TCF4: variants seen among roughly 807,000 people sequenced by gnomAD.
The protein encoded by TCF4 is SL3-3 enhancer factor 2.
A neutral mutation model predicts 82.1 loss-of-function variants in TCF4; 3 were observed. The ratio of observed to expected loss-of-function variants is 0.04; its 90% CI spans 0.02 to 0.09. The LOEUF is 0.09. Among genes scored for constraint, TCF4 ranks in the 10% least tolerant of loss-of-function variants. TCF4 has a pLI of 1.00. For missense variants in TCF4, 518 were observed against 852.7 expected (o/e 0.61, Z 4.89); for synonymous variants, 276 against 309.6 (o/e 0.89, Z 1.14).
chr18:55,354,970 G>A (rs1569156996), intron 6 of TCF4, among the ~76,000 whole-genome samples: 1 of 152,154 alleles, frequency 6.6e-6, no homozygotes, highest in Non-Finnish European at 1.5e-5. Context: ...TTGCAGAACA[G>A]AGAAAAGCAG....
intron 8 of TCF4, among the ~76,000 whole-genome samples, chr18:55,310,873 G>A (rs1038259356): frequency 6.6e-6 from 1 of 152,164 alleles, no homozygotes; most frequent in Non-Finnish European, 1.5e-5. Context: ...CATTTAGGAT[G>A]ATTCAAGACA....
chr18:55,442,591 A>T (rs1438121317), intron 5 of TCF4, among the ~76,000 whole-genome samples: 1 of 152,236 alleles, frequency 6.6e-6, no homozygotes, highest in Non-Finnish European at 1.5e-5. Flanking sequence ...AATGCAAAAA[A>T]TAACACATAG....
At chr18:55,570,522 A>G (rs2097453666) in intron 3 of TCF4, among the ~76,000 whole-genome samples, 1 of 152,186 alleles carries the variant, frequency 6.6e-6, no homozygotes, top group East Asian at 1.9e-4. Context: ...CACAGAGTGG[A>G]CATGAATGAT....
rs545692259 is a variant in TCF4 at position 55,425,354 on chromosome 18, T to C, written c.305-21836A>G. On this transcript the variant is annotated intron_variant, in intron 5 of 19. Transcript: ENST00000354452. The stretch of plus-strand genomic sequence containing the variant: ...GATGATGCACTTGTTTTTGGCTTTT[T>C]TTTTTTCTTTTGAGGATTCAGTATG... Among the ~76,000 whole-genome samples the C allele has an allele frequency of 2.0e-4, 31 of 151,958 alleles. No homozygotes were observed. In the South Asian group the frequency reaches 4.2e-3, roughly 20 times the overall value.
At chr18:55,264,782 T>C (rs542010133) in intron 11 of TCF4, 63 of 152,278 alleles carry the variant, frequency 4.1e-4, no homozygotes, top group African/African-American at 1.4e-3. Context: ...GTAAAGACTT[T>C]ATCGATTTCT....
chr18:55,541,780 C>T (rs1241692496), intron 3 of TCF4, among the ~76,000 whole-genome samples: 1 of 151,980 alleles, frequency 6.6e-6, no homozygotes, highest in African/African-American at 2.4e-5. Flanking sequence ...TGAAGCCACA[C>T]TCATCCCTTC....
intron 5 of TCF4, among the ~76,000 whole-genome samples, chr18:55,406,868 G>A (rs1346904592): frequency 5.3e-5 from 8 of 152,162 alleles, no homozygotes; most frequent in African/African-American, 1.9e-4. Flanking sequence ...ACAACCCTCC[G>A]GTACTAGAAT....
At chr18:55,471,237 A>T (rs2096171379) in intron 3 of TCF4, among the ~76,000 whole-genome samples, 1 of 152,194 alleles carries the variant, frequency 6.6e-6, no homozygotes. Context: ...ATATTGACAG[A>T]TGATGTCCAC....
At chr18:55,304,365 T>C (rs1367621150) in intron 8 of TCF4, among the ~76,000 whole-genome samples, 1 of 152,106 alleles carries the variant, frequency 6.6e-6, no homozygotes, top group Middle Eastern at 3.2e-3. Context: ...AAATAGACAT[T>C]GGAAAAACAG....
chr18:55,275,512 A>T (rs2061341297), intron 10 of TCF4, 107 bp downstream of exon 10: 1 of 1,477,826 alleles, frequency 6.8e-7, no homozygotes, highest in Non-Finnish European at 9.4e-7. Flanking sequence ...GGTGTGTGCC[A>T]TTTTTGCACT....
chr18:55,230,398 C>G (rs2047590825), intron 17 of TCF4: 2 of 152,170 alleles, frequency 1.3e-5, no homozygotes, highest in African/African-American at 4.8e-5. Context: ...ATTCCAAGGG[C>G]TGTCATGTAA....
chr18:55,499,153 A>G (rs552831740), intron 3 of TCF4, among the ~76,000 whole-genome samples: 7 of 152,174 alleles, frequency 4.6e-5, no homozygotes, highest in East Asian at 1.9e-4. Context: ...TTTACTCAGA[A>G]TTTTTCTTGG....
chr18:55,388,817 C>G (rs1231871685), intron 6 of TCF4, among the ~76,000 whole-genome samples: 10 of 152,152 alleles, frequency 6.6e-5, no homozygotes, highest in Admixed American at 6.5e-4. Flanking sequence ...ATCAATAAAA[C>G]TGGATTAAAA....
intron 8 of TCF4, among the ~76,000 whole-genome samples, chr18:55,288,247 G>A (rs1256318812): frequency 2.6e-5 from 4 of 152,004 alleles, no homozygotes; most frequent in Admixed American, 6.6e-5. Context: ...GATCACCAAC[G>A]AGAAAAACAG....
At chr18:55,589,250 A>C (rs1051006300), upstream of TCF4, 19 of 1,046,680 alleles carry the variant, frequency 1.8e-5, no homozygotes, top group African/African-American at 3.0e-4. Context: ...TTTAAAAATT[A>C]AATTCAATTA....
chr18:55,541,527 CTT>C (rs1453237102), intron 3 of TCF4, among the ~76,000 whole-genome samples: 2 of 151,952 alleles, frequency 1.3e-5, no homozygotes, highest in East Asian at 3.8e-4. Flanking sequence ...TAAACCTGTC[CTT>C]TAAATTCTTA....
At chr18:55,398,058 G>T (rs1157587624) in intron 6 of TCF4, among the ~76,000 whole-genome samples, 1 of 152,138 alleles carries the variant, frequency 6.6e-6, no homozygotes, top group Non-Finnish European at 1.5e-5. Flanking sequence ...GAAGCTGCTG[G>T]TGGGGATAGA....
intron 11 of TCF4, chr18:55,268,473 A>G (rs1359377125): frequency 6.6e-6 from 1 of 152,132 alleles, no homozygotes; most frequent in Non-Finnish European, 1.5e-5. Context: ...GTAGCTCTCC[A>G]AGGTCAAACT....
chr18:55,327,013 G>T (rs554220254), intron 8 of TCF4, among the ~76,000 whole-genome samples: 8 of 152,076 alleles, frequency 5.3e-5, no homozygotes, highest in Admixed American at 2.6e-4. Context: ...CACACACACA[G>T]AATTTATTCT....
Sources: gnomAD v4.1 joint callset for allele counts (sites outside exome capture counted in the v4.1 genomes callset) on GRCh38, gnomAD v4.1.1 for gene constraint, MANE v1.5 for transcripts, NCBI Gene and HGNC (gene_info 2026-07-23, HGNC 2026-07-21) for gene names.